Variants in SOCS5 observed in about 807,000 individuals in gnomAD.
SOCS5 encodes the protein CIS-6.
In SOCS5, 32 loss-of-function variants were observed where a neutral mutation model predicts 42.8. The observed-to-expected ratio is 0.75, with a 90% CI of 0.56 to 1.01. SOCS5 has a LOEUF of 1.01. SOCS5 is among the 50% of genes least tolerant of loss of function. The probability of loss-of-function intolerance (pLI) is 0.00; values close to 1 mark genes in which losing one functional copy is unlikely to be tolerated. For missense variants in SOCS5, 627 were observed against 653.0 expected (o/e 0.96, Z 0.43); for synonymous variants, 283 against 229.6 (o/e 1.23, Z -2.10).
In SOCS5 at chr2:46,699,972, T is replaced by C. The variant is rs1426000827; in HGVS notation, c.-13+523T>C. On this transcript the variant is annotated intron_variant, in intron 1 of 1. Coordinates refer to ENST00000394861, the MANE Select transcript of SOCS5 (RefSeq NM_144949.3). This position sits in a 1 kb window ranked among gnomAD's most constrained non-coding sequence, Gnocchi z 4.8. Reference sequence around the variant, plus strand: ...GAGGGAGGGAACCAATGAGTACATATGTGGGAAATGAATTGAGTGCCCCGG... The same window carrying C: ...GAGGGAGGGAACCAATGAGTACATACGTGGGAAATGAATTGAGTGCCCCGG... 6.6e-6 allele frequency among the ~76,000 whole-genome samples: 1 copy of C among 152,018 alleles called. No individual in the cohort carries two copies. The highest frequency in any genetic ancestry group is 1.5e-5 in the Non-Finnish European group (1 of 67,992).
At chr2:46,740,555 A>G (rs10190841) in intron 1 of SOCS5, among the ~76,000 whole-genome samples, 5,913 of 152,274 alleles carry the variant, frequency 0.039, 159 homozygotes, top group Middle Eastern at 0.15. Flanking sequence ...GGGGCCTGTG[A>G]TAGATCAAGA....
chr2:46,701,537 T>A (rs1357854004), intron 1 of SOCS5, among the ~76,000 whole-genome samples: 1 of 152,164 alleles, frequency 6.6e-6, no homozygotes, highest in Non-Finnish European at 1.5e-5. Flanking sequence ...TTTATCACTT[T>A]CACACTGTTT....
At chr2:46,755,162 AATAT>A (rs751964416) in intron 1 of SOCS5, among the ~76,000 whole-genome samples, 3 of 152,310 alleles carry the variant, frequency 2.0e-5, no homozygotes, top group South Asian at 2.1e-4. Flanking sequence ...CAGCATTAAG[AATAT>A]AACTGTTATG....
chr2:46,712,784 G>A (rs553625170), intron 1 of SOCS5, among the ~76,000 whole-genome samples: 1 of 152,300 alleles, frequency 6.6e-6, no homozygotes, highest in East Asian at 1.9e-4. Flanking sequence ...ACTTGGTTGA[G>A]ATGTATTGTC....
At chr2:46,712,906 T>C (rs1672660731) in intron 1 of SOCS5, among the ~76,000 whole-genome samples, 1 of 152,232 alleles carries the variant, frequency 6.6e-6, no homozygotes, top group African/African-American at 2.4e-5. Context: ...TGCTGACTTT[T>C]TTTATGAATT....
intron 1 of SOCS5, among the ~76,000 whole-genome samples, chr2:46,741,003 A>T (rs1471586462): frequency 1.3e-5 from 2 of 152,134 alleles, no homozygotes; most frequent in African/African-American, 4.8e-5. Flanking sequence ...AATTCCTAAT[A>T]CTGTTTGAGA....
intron 1 of SOCS5, among the ~76,000 whole-genome samples, chr2:46,754,676 T>G (rs1428443009): frequency 6.6e-6 from 1 of 152,180 alleles, no homozygotes; most frequent in African/African-American, 2.4e-5. Flanking sequence ...AATTATATGT[T>G]TATTTTTTAC....
intron 1 of SOCS5, among the ~76,000 whole-genome samples, chr2:46,711,628 A>G (rs1342697738): frequency 2.0e-5 from 3 of 152,158 alleles, no homozygotes; most frequent in Admixed American, 6.5e-5. Flanking sequence ...TTAGTGGTCT[A>G]TTTTATCAAT....
At chr2:46,746,115 A>G (rs1673489792) in intron 1 of SOCS5, among the ~76,000 whole-genome samples, 1 of 150,696 alleles carries the variant, frequency 6.6e-6, no homozygotes, top group Non-Finnish European at 1.5e-5. Context: ...TCCAGAAGGG[A>G]GTGAGGGTGG....
In SOCS5 at chr2:46,731,055, T is replaced by G. The variant is rs144248474; in HGVS notation, c.-12-27464T>G. On this transcript the variant is annotated intron_variant, in intron 1 of 1. Transcript: ENST00000394861. ...AGTCCATTACTCCATTGTGTCTGCA[T>G]TAGCAAGATGCGTACCATCTGCTGG... Among the ~76,000 whole-genome samples, 764 of 152,334 alleles carry G rather than the reference T, an allele frequency of 5.0e-3. 6 individuals are homozygous for G. Among genetic ancestry groups the G allele is most frequent in the Admixed American group, 9.9e-3 (151 of 15,302 alleles).
At chr2:46,757,065 A>C (rs1290520261) in intron 1 of SOCS5, among the ~76,000 whole-genome samples, 3 of 152,220 alleles carry the variant, frequency 2.0e-5, no homozygotes, top group African/African-American at 7.2e-5. Flanking sequence ...CTGAAAGTAC[A>C]TTTTATAATA....
At chr2:46,755,517 T>A (rs1673713609) in intron 1 of SOCS5, among the ~76,000 whole-genome samples, 1 of 152,198 alleles carries the variant, frequency 6.6e-6, no homozygotes, top group Non-Finnish European at 1.5e-5. Flanking sequence ...TCCAAAAGCA[T>A]TATAAAATCA....
At chr2:46,749,388 A>T (rs1673576126) in intron 1 of SOCS5, among the ~76,000 whole-genome samples, 1 of 152,184 alleles carries the variant, frequency 6.6e-6, no homozygotes, top group Admixed American at 6.5e-5. Context: ...GCCGAGACTT[A>T]GGTCTCTAAC....
intron 1 of SOCS5, among the ~76,000 whole-genome samples, chr2:46,701,226 A>G (rs575807920): frequency 1.1e-4 from 17 of 152,358 alleles, no homozygotes; most frequent in African/African-American, 4.1e-4. Flanking sequence ...TGATTAGGGA[A>G]GCTTTCCCCT....
chr2:46,704,920 C>T (rs894863916), intron 1 of SOCS5, among the ~76,000 whole-genome samples: 2 of 152,068 alleles, frequency 1.3e-5, no homozygotes, highest in Non-Finnish European at 2.9e-5. Context: ...ACTTTCAACT[C>T]CACCTCCCAA....
chr2:46,706,471 T>G (rs1047263583), intron 1 of SOCS5, among the ~76,000 whole-genome samples: 1 of 152,194 alleles, frequency 6.6e-6, no homozygotes, highest in African/African-American at 2.4e-5. Context: ...CTAAATACTT[T>G]GAGAGGATTT....
intron 1 of SOCS5, among the ~76,000 whole-genome samples, chr2:46,705,421 C>G (rs1159177233): frequency 6.6e-6 from 1 of 152,148 alleles, no homozygotes; most frequent in Non-Finnish European, 1.5e-5. Context: ...TGATTGCTTG[C>G]TTTTCGGTAG....
intron 1 of SOCS5, among the ~76,000 whole-genome samples, chr2:46,757,678 C>T (rs923413833): frequency 6.6e-6 from 1 of 152,120 alleles, no homozygotes; most frequent in Non-Finnish European, 1.5e-5. Flanking sequence ...ACCAACCTGA[C>T]CAACATGGTG....
chr2:46,731,605 T>C (rs574266715), intron 1 of SOCS5, among the ~76,000 whole-genome samples: 2 of 152,330 alleles, frequency 1.3e-5, no homozygotes, highest in Admixed American at 6.5e-5. Context: ...ATGTGGTATG[T>C]TGGAGCCAGG....
Sources: allele counts gnomAD v4.1 joint callset (sites outside exome capture counted in the v4.1 genomes callset), GRCh38; gene constraint gnomAD v4.1.1; non-coding constraint Gnocchi (gnomAD v3.1); transcripts MANE v1.5; gene names NCBI Gene and HGNC (gene_info 2026-07-23, HGNC 2026-07-21).